Variants in COPS7B observed in about 807,000 individuals in gnomAD.
COPS7B encodes COP9 signalosome subunit 7B.
Under a neutral mutation model 33.4 loss-of-function variants are expected in COPS7B, and 9 were observed. The ratio of observed to expected loss-of-function variants is 0.27; its 90% CI spans 0.16 to 0.47. The LOEUF is 0.47. Ranked by LOEUF, COPS7B falls within the 20% of genes least tolerant of loss-of-function variation. The probability of loss-of-function intolerance (pLI) is 0.99; values close to 1 mark genes in which losing one functional copy is unlikely to be tolerated. For missense variants in COPS7B, 242 were observed against 318.2 expected (o/e 0.76, Z 1.82); for synonymous variants, 119 against 126.3 (o/e 0.94, Z 0.39).
chr2:231,794,213 T>C, intron 3 of COPS7B, 50 bp from the exon 4 acceptor site: 1 of 1,501,158 alleles, frequency 6.7e-7, no homozygotes, highest in African/African-American at 1.4e-5. Flanking sequence ...ATAAAAGAAA[T>C]CCTAATTTTA....
chr2:231,798,674 C>T (rs915365994), intron 5 of COPS7B, among the ~76,000 whole-genome samples, 185 bp from the exon 6 acceptor site: 3 of 152,178 alleles, frequency 2.0e-5, no homozygotes, highest in African/African-American at 7.2e-5. Flanking sequence ...TCCTAATGTC[C>T]TGCATTATGT....
At chr2:231,802,556 G>A (rs1297474452) in intron 6 of COPS7B, among the ~76,000 whole-genome samples, 1 of 152,252 alleles carries the variant, frequency 6.6e-6, no homozygotes, top group African/African-American at 2.4e-5. Context: ...GCCACTGGAG[G>A]AAGAAAGTCA....
intron 4 of COPS7B, among the ~76,000 whole-genome samples, chr2:231,795,200 T>C (rs1354537853): frequency 6.6e-6 from 1 of 152,188 alleles, no homozygotes; most frequent in African/African-American, 2.4e-5. Flanking sequence ...ATTACAGGCA[T>C]GAGCCACCGT....
At chr2:231,781,877 A>G (rs2106295746), upstream of COPS7B, 1 of 1,550,806 alleles carries the variant, frequency 6.4e-7, no homozygotes. Context: ...GACATCTGCA[A>G]ATCATGGTAA....
At chr2:231,782,088 CCT>C (rs532076389), upstream of COPS7B, among the ~76,000 whole-genome samples, 502 of 152,262 alleles carry the variant, frequency 3.3e-3, no homozygotes, top group African/African-American at 0.011. Flanking sequence ...TAATCTATCC[CCT>C]GTTGTTACGT....
rs745438909 is a variant in COPS7B, at chr2:231,807,577, C to G, written c.727C>G (p.His243Asp). ...GCTGGCTGAACGGGAGTGTCCCCCT[C>G]ACGCTGAGCAGAGGCAGCCCACCAA... The part of the protein sequence containing the change: ...QQLAERECPP[H>D]AEQRQPTKKM... Residue 243 changes from histidine to aspartate, a missense_variant, in exon 7 of 7, where the codon CAC becomes GAC. Transcript: ENST00000350033. The G allele has an allele frequency of 6.2e-6, 10 of 1,606,822 alleles. No individual in the cohort carries two copies. The highest frequency in any genetic ancestry group is 7.6e-6 in the Non-Finnish European group (9 of 1,176,712).
At chr2:231,785,013 G>A (rs2049205495), upstream of COPS7B, among the ~76,000 whole-genome samples, 1 of 152,342 alleles carries the variant, frequency 6.6e-6, no homozygotes, top group South Asian at 2.1e-4. Flanking sequence ...GTTTTGCCAT[G>A]TGGCCCAGGC....
In COPS7B at chr2:231,799,852, A is replaced by G. The variant is rs567221085; in HGVS notation, c.636+888A>G. ...AGTAGATGGTGCCTTTCAAAGGGGGATTTGTGAAATTTGGAGTGATTCTCT... is the reference window on the plus strand; with the variant it reads ...AGTAGATGGTGCCTTTCAAAGGGGGGTTTGTGAAATTTGGAGTGATTCTCT... On this transcript the variant is annotated intron_variant, in intron 6 of 6. Coordinates refer to ENST00000350033, the MANE Select transcript of COPS7B (RefSeq NM_022730.4). 2.6e-4 allele frequency among the ~76,000 whole-genome samples: 40 copies of G among 152,176 alleles called. 1 individual carries two copies. In the South Asian group the frequency reaches 7.5e-3, roughly 28 times the overall value.
chr2:231,794,432 T>C (rs941863786), intron 4 of COPS7B, 81 bp downstream of exon 4: 8 of 1,105,642 alleles, frequency 7.2e-6, no homozygotes, highest in African/African-American at 1.5e-5. Flanking sequence ...AAGTCCCAGC[T>C]GCACATAGGA....
At chr2:231,784,670 C>T (rs1331880200), upstream of COPS7B, among the ~76,000 whole-genome samples, 1 of 152,188 alleles carries the variant, frequency 6.6e-6, no homozygotes, top group Admixed American at 6.5e-5. Context: ...CTCTAGACAG[C>T]TCTGGCCTCC....
chr2:231,787,348 C>A (rs2049279476), intron 1 of COPS7B, among the ~76,000 whole-genome samples: 1 of 152,216 alleles, frequency 6.6e-6, no homozygotes, highest in Non-Finnish European at 1.5e-5. Context: ...CCAAACTATT[C>A]TTCAAATTGT....
At position 231,804,248 on chromosome 2, in the gene COPS7B, A is replaced by AT. The variant is rs5839418; in HGVS notation, c.637-3222dup. On this transcript the variant is annotated intron_variant, in intron 6 of 6. Transcript: ENST00000350033. ...AGAAAACTATTTGTAGTATAAGCTG[A>AT]TTTTTTTTTTTTTTTTTGAGACAGA... 2.2e-3 allele frequency among the ~76,000 whole-genome samples: 301 copies of AT among 138,246 alleles called. 1 individual carries two copies. The highest frequency in any genetic ancestry group is 7.4e-3 in the Middle Eastern group (2 of 272). The allele number at this position is 138,246 out of a possible 152,430, so 90.7% of individuals were successfully genotyped here.
chr2:231,792,115 C>A, intron 3 of COPS7B: 1 of 566,482 alleles, frequency 1.8e-6, no homozygotes, highest in Non-Finnish European at 3.5e-6. Flanking sequence ...GCAGAATACC[C>A]ACCTGTAGAA....
upstream of COPS7B, among the ~76,000 whole-genome samples, chr2:231,783,307 T>A (rs983185605): frequency 6.6e-6 from 1 of 152,192 alleles, no homozygotes; most frequent in African/African-American, 2.4e-5. Context: ...TGCTAGTGTG[T>A]AGGGAGGGTA....
At chr2:231,795,234 A>T (rs1374301524) in intron 4 of COPS7B, among the ~76,000 whole-genome samples, 2 of 151,994 alleles carry the variant, frequency 1.3e-5, no homozygotes, top group Admixed American at 1.3e-4. Flanking sequence ...AACTTAAAAA[A>T]TTTTTTAAAT....
In COPS7B at chr2:231,798,938, C is replaced by T. The variant is rs769904661; in HGVS notation, c.610C>T (p.Arg204Ter). 6.2e-7 allele frequency: 1 copy of T among 1,614,118 alleles called. No individual in the cohort carries two copies. The highest frequency in any genetic ancestry group is 8.5e-7 in the Non-Finnish European group (1 of 1,179,984). Residue 204 changes from arginine to a stop codon, truncating the protein, a stop_gained, in exon 6 of 7, where the codon CGA becomes TGA. Transcript: ENST00000350033. LOFTEE classifies it high-confidence loss of function. The part of the protein sequence containing the change: ...RANQYKENHN[R>*]TQQQVEAEVT... ...CAACCAGTACAAAGAGAACCACAAC[C>T]GAACTCAGCAGCAGGTAGAAGCAGA...
chr2:231,792,012 G>C (rs1451665511), intron 3 of COPS7B: 1 of 686,888 alleles, frequency 1.5e-6, no homozygotes, highest in African/African-American at 1.8e-5. Context: ...AATGGGGCCT[G>C]TGTGTGCTCA....
chr2:231,784,153 G>C (rs150528564), upstream of COPS7B, among the ~76,000 whole-genome samples: 2 of 151,994 alleles, frequency 1.3e-5, no homozygotes, highest in East Asian at 3.9e-4. Flanking sequence ...CGACAAAGCT[G>C]GAGTTAGGAG....
rs532563097 is a variant in COPS7B at position 231,794,952 on chromosome 2, C to T, written c.327+601C>T. Among the ~76,000 whole-genome samples the T allele has an allele frequency of 4.1e-5, 6 of 147,530 alleles. No homozygotes were observed. In the South Asian group the frequency reaches 1.3e-3, roughly 32 times the overall value. On this transcript the variant is annotated intron_variant, in intron 4 of 6. Transcript: ENST00000350033. ...TTTTTTTTTTTGAGACAGAGTGTTG[C>T]TCTGTTGCCTGCGCTGGAGTGCAGT...
Sources: allele counts gnomAD v4.1 joint callset (sites outside exome capture counted in the v4.1 genomes callset), GRCh38; gene constraint gnomAD v4.1.1; transcripts MANE v1.5; gene names NCBI Gene and HGNC (gene_info 2026-07-23, HGNC 2026-07-21).